The following UNC79 variants were observed in gnomAD, a reference collection of about 807,000 sequenced individuals.
UNC79 encodes the protein protein unc-79 homolog.
A neutral mutation model predicts 283.1 loss-of-function variants in UNC79; 37 were observed. The ratio of observed to expected loss-of-function variants is 0.13; its 90% CI spans 0.10 to 0.17. The LOEUF is 0.17. UNC79 is among the 10% of genes least tolerant of loss of function. UNC79 has a pLI of 1.00. For missense variants in UNC79, 2,272 were observed against 3,211.1 expected (o/e 0.71, Z 7.07); for synonymous variants, 1,107 against 1,200.2 (o/e 0.92, Z 1.61).
chr14:93,455,579 G>T (rs1398150111), intron 1 of UNC79, among the ~76,000 whole-genome samples: 1 of 151,988 alleles, frequency 6.6e-6, no homozygotes, highest in Non-Finnish European at 1.5e-5. Flanking sequence ...TACTCCACAG[G>T]TTACACTATT....
At chr14:93,662,897 C>T (rs901616512) in intron 40 of UNC79, among the ~76,000 whole-genome samples, 183 bp downstream of exon 43, 2 of 151,956 alleles carry the variant, frequency 1.3e-5, no homozygotes, top group Non-Finnish European at 2.9e-5. Context: ...CACACACACA[C>T]ACACACAAAC....
rs1445930733 is a variant in UNC79 at position 93,404,493 on chromosome 14, A to AATATATATATATAT, written c.-350-63170_-350-63157dup. ...TGACAGAGTGAGACCTTCTAAAAAA[A>AATATATATATATAT]ATATATATATATATATATATAAATA... On this transcript the variant is annotated intron_variant, in intron 1 of 49. Coordinates refer to the UNC79 transcript ENST00000256339. Among the ~76,000 whole-genome samples the AATATATATATATAT allele has an allele frequency of 2.6e-4, 16 of 61,444 alleles. 1 individual carries two copies. Among genetic ancestry groups the AATATATATATATAT allele is most frequent in the African/African-American group, 7.3e-4 (11 of 14,998 alleles). 40.3% of individuals were successfully genotyped at this position (61,444 alleles called of 152,430 possible). A position where few individuals can be genotyped will look rare whatever the true frequency, so the allele number is the denominator to read the frequency against.
intron 1 of UNC79, among the ~76,000 whole-genome samples, chr14:93,422,733 T>G (rs1252268900): frequency 3.3e-5 from 5 of 152,036 alleles, no homozygotes; most frequent in Non-Finnish European, 5.9e-5. Flanking sequence ...CAAAAATCAG[T>G]AGTGTTTCTA....
chr14:93,587,891 A>G (rs2064333995), intron 22 of UNC79, among the ~76,000 whole-genome samples: 1 of 152,174 alleles, frequency 6.6e-6, no homozygotes, highest in Admixed American at 6.5e-5. Flanking sequence ...ATGAATGATG[A>G]AAGGCTCTGG....
At chr14:93,430,091 C>G (rs2055820497), upstream of UNC79, among the ~76,000 whole-genome samples, 2 of 152,194 alleles carry the variant, frequency 1.3e-5, no homozygotes, top group Non-Finnish European at 1.5e-5. This position sits in a 1 kb window ranked among gnomAD's most constrained non-coding sequence, Gnocchi z 4.6. Context: ...CTTCGGTTTT[C>G]CAGTCGAGGG....
intron 40 of UNC79, among the ~76,000 whole-genome samples, chr14:93,668,296 C>A (rs1437322139): frequency 2.0e-5 from 3 of 152,190 alleles, no homozygotes; most frequent in Admixed American, 2.0e-4. Flanking sequence ...GAGAGCTCAG[C>A]AAGGATGCTG....
At chr14:93,686,701 A>G in intron 43 of UNC79, 40 bp downstream of exon 46, 7 of 1,609,992 alleles carry the variant, frequency 4.3e-6, no homozygotes, top group Middle Eastern at 1.7e-4. Flanking sequence ...AGGTTCACAA[A>G]ACAGAGATGC....
intron 7 of UNC79, among the ~76,000 whole-genome samples, chr14:93,511,739 A>G (rs969113678): frequency 6.6e-6 from 1 of 152,118 alleles, no homozygotes; most frequent in African/African-American, 2.4e-5. Flanking sequence ...GCCACCGTGC[A>G]TGACCAGTTC....
chr14:93,621,577 A>G lies in UNC79; in HGVS notation c.4388-44A>G. The G allele has an allele frequency of 6.7e-7, 1 of 1,493,946 alleles. No homozygotes were observed. The highest frequency in any genetic ancestry group is 8.9e-7 in the Non-Finnish European group (1 of 1,123,792). The allele number at this position is 1,493,946 out of a possible 1,614,324, so 92.5% of individuals were successfully genotyped here. ...CCAAGGATGAGGGGAAAAAATGGTG[A>G]AATCTCCAAGTAAAATAGTACTAGC... On this transcript the variant is annotated intron_variant, in intron 29 of 48. Transcript: ENST00000555664. The surrounding 1 kb of genome is among the most constrained non-coding windows in gnomAD (Gnocchi z 4.8).
At chr14:93,593,891 T>C in intron 23 of UNC79, 54 bp downstream of exon 23, 2 of 1,483,536 alleles carry the variant, frequency 1.3e-6, no homozygotes, top group Non-Finnish European at 1.8e-6. Context: ...CACGGGTGTC[T>C]GGTCACGGCA....
intron 47 of UNC79, among the ~76,000 whole-genome samples, chr14:93,701,797 C>T (rs1444346205): frequency 6.6e-6 from 1 of 152,164 alleles, no homozygotes; most frequent in African/African-American, 2.4e-5. Flanking sequence ...AGGTCCCTTG[C>T]AGGTATATTT....
At chr14:93,706,635 C>T in intron 48 of UNC79, 69 bp from the exon 52 acceptor site, 1 of 1,584,272 alleles carries the variant, frequency 6.3e-7, no homozygotes. Context: ...CAAGAAGCCG[C>T]CCGGGTCGAC....
At chr14:93,555,276 T>G (rs2402309) in intron 14 of UNC79, among the ~76,000 whole-genome samples, 152,005 of 152,292 alleles carry the variant, frequency 1, 75,862 homozygotes, top group Middle Eastern at 1. Context: ...ATTCATTGGA[T>G]GTCTTTTACA....
intron 39 of UNC79, 39 bp from the exon 43 acceptor site, chr14:93,662,565 A>T (rs1192162970): frequency 6.0e-6 from 8 of 1,327,820 alleles, no homozygotes; most frequent in Non-Finnish European, 7.4e-6. Flanking sequence ...AAATGAAGTA[A>T]TCAGCAATTG....
At chr14:93,344,323 T>C (rs1223707012) in intron 1 of UNC79, among the ~76,000 whole-genome samples, 1 of 152,192 alleles carries the variant, frequency 6.6e-6, no homozygotes, top group Non-Finnish European at 1.5e-5. Context: ...CTTTTGTTGT[T>C]AGCAATAGAA....
intron 14 of UNC79, among the ~76,000 whole-genome samples, chr14:93,546,462 T>C (rs1191308754): frequency 6.6e-6 from 1 of 152,236 alleles, no homozygotes; most frequent in Non-Finnish European, 1.5e-5. Context: ...GAACAGATTG[T>C]TATTCAACTT....
chr14:93,597,148 G>GTTT (rs1222533536), intron 23 of UNC79, among the ~76,000 whole-genome samples: 6 of 152,232 alleles, frequency 3.9e-5, no homozygotes, highest in Non-Finnish European at 8.8e-5. Flanking sequence ...TCTGCTCTGA[G>GTTT]TAGAAAGAGT....
chr14:93,672,113 G>A (rs1158597942), intron 40 of UNC79, among the ~76,000 whole-genome samples: 1 of 152,080 alleles, frequency 6.6e-6, no homozygotes, highest in Non-Finnish European at 1.5e-5. Flanking sequence ...GCCACTATAG[G>A]AAACAGTATA....
chr14:93,588,141 G>A (rs189755646), intron 22 of UNC79, among the ~76,000 whole-genome samples: 1 of 152,180 alleles, frequency 6.6e-6, no homozygotes, highest in Admixed American at 6.5e-5. Context: ...AAATGAGGCT[G>A]GAGAAGTAGG....
Sources: allele counts gnomAD v4.1 joint callset (sites outside exome capture counted in the v4.1 genomes callset), GRCh38; gene constraint gnomAD v4.1.1; non-coding constraint Gnocchi (gnomAD v3.1); transcripts MANE v1.5; gene names NCBI Gene and HGNC (gene_info 2026-07-23, HGNC 2026-07-21).